Variants in CYRIB observed in about 807,000 individuals in gnomAD.
CYRIB encodes CYFIP-related Rac1 interactor B.
Under a neutral mutation model 44.2 loss-of-function variants are expected in CYRIB, and 8 were observed. The observed-to-expected ratio is 0.18, with a 90% CI of 0.11 to 0.33. CYRIB has a LOEUF of 0.33. CYRIB is among the 10% of genes least tolerant of loss of function. The pLI, the probability that CYRIB is intolerant of heterozygous loss-of-function variation, is 1.00. For missense variants in CYRIB, 185 were observed against 382.8 expected (o/e 0.48, Z 4.31); for synonymous variants, 131 against 127.2 (o/e 1.03, Z -0.20).
At chr8:129,876,349 G>A (rs767024090) in intron 3 of CYRIB, among the ~76,000 whole-genome samples, 1 of 152,132 alleles carries the variant, frequency 6.6e-6, no homozygotes, top group East Asian at 1.9e-4. Flanking sequence ...CAGCCTGGGC[G>A]ACAGAGACTG....
At chr8:129,947,723 T>C (rs1331499707) in intron 2 of CYRIB, 1 of 152,210 alleles carries the variant, frequency 6.6e-6, no homozygotes, top group Non-Finnish European at 1.5e-5. Flanking sequence ...TGGACACCCT[T>C]CCAAATGTTT....
chr8:129,909,279 T>A (rs976607986), intron 1 of CYRIB, among the ~76,000 whole-genome samples: 1 of 152,138 alleles, frequency 6.6e-6, no homozygotes, highest in Admixed American at 6.6e-5. Flanking sequence ...GTTTTTACAA[T>A]CTTAATTTTC....
intron 1 of CYRIB, among the ~76,000 whole-genome samples, chr8:130,010,233 G>A (rs1288708896): frequency 2.6e-5 from 4 of 152,212 alleles, no homozygotes; most frequent in African/African-American, 9.6e-5. Context: ...GATGAACGAA[G>A]GTCAAGGGCA....
chr8:129,941,792 G>C (rs1251262130), upstream of CYRIB, among the ~76,000 whole-genome samples: 3 of 152,168 alleles, frequency 2.0e-5, no homozygotes, highest in Admixed American at 2.0e-4. Flanking sequence ...TCTCCCACCA[G>C]AAGCAGAAAT....
chr8:129,924,614 T>C (rs2086332729), intron 1 of CYRIB, among the ~76,000 whole-genome samples: 1 of 152,168 alleles, frequency 6.6e-6, no homozygotes, highest in Non-Finnish European at 1.5e-5. Flanking sequence ...AACTTTCATT[T>C]AGGCTAATGA....
chr8:129,901,119 A>T (rs986869987), intron 2 of CYRIB, among the ~76,000 whole-genome samples: 4 of 152,184 alleles, frequency 2.6e-5, no homozygotes, highest in African/African-American at 9.7e-5. Context: ...ACACCTGGCT[A>T]ATTTTTTGTA....
rs2063671928 is a variant in CYRIB at position 129,888,468 on chromosome 8, C to T, written c.-10-8997G>A. Among the ~76,000 whole-genome samples, 8 of 152,332 alleles carry T rather than the reference C, an allele frequency of 5.3e-5. No homozygotes were observed. The South Asian group carries it at 1.4e-3, about 28-fold the overall frequency. ...AATCTGCTCCGACACACTCTGGCCTCATCTTTCTTTACTCTCCACTGCACA... is the reference window on the plus strand; with the variant it reads ...AATCTGCTCCGACACACTCTGGCCTTATCTTTCTTTACTCTCCACTGCACA... On this transcript the variant is annotated intron_variant, in intron 2 of 11. Transcript: ENST00000519824.
At position 129,855,511 on chromosome 8, in the gene CYRIB, C is replaced by T. The variant is rs1433640080; in HGVS notation, c.438+100G>A. 8 of 1,262,086 alleles carry T rather than the reference C, an allele frequency of 6.3e-6. No homozygotes were observed. In the East Asian group the frequency reaches 1.9e-4, roughly 30 times the overall value. 78.2% of individuals were successfully genotyped at this position (1,262,086 alleles called of 1,614,324 possible). On this transcript the variant is annotated intron_variant, in intron 6 of 11. Transcript: ENST00000519824. ...ATTTTTATTAAGGTCTAGCAGACAT[C>T]ATTTAAATACATTTTAACAATGTTT...
chr8:129,984,399 T>C (rs1044719365), intron 1 of CYRIB, among the ~76,000 whole-genome samples: 4 of 152,150 alleles, frequency 2.6e-5, no homozygotes, highest in Non-Finnish European at 5.9e-5. Context: ...TCCATGCACC[T>C]GGCACTTAGG....
At chr8:129,999,868 A>G (rs1041341895) in intron 1 of CYRIB, among the ~76,000 whole-genome samples, 1 of 152,120 alleles carries the variant, frequency 6.6e-6, no homozygotes, top group African/African-American at 2.4e-5. Context: ...GGCTCAAGCG[A>G]TCCTCCCGCC....
intron 2 of CYRIB, among the ~76,000 whole-genome samples, chr8:129,960,649 G>GA (rs746019281): frequency 0.016 from 457 of 29,076 alleles, 11 homozygotes; most frequent in African/African-American, 0.033. Flanking sequence ...TCTGTCTCAA[G>GA]AAAAAAAAAA....
chr8:129,895,523 C>T (rs1474165221), intron 2 of CYRIB, among the ~76,000 whole-genome samples: 1 of 151,736 alleles, frequency 6.6e-6, no homozygotes, highest in Non-Finnish European at 1.5e-5. Flanking sequence ...TCAAATTCTA[C>T]AAAAAAATTC....
chr8:129,864,338 A>G (rs1432684206), intron 4 of CYRIB: 4 of 152,242 alleles, frequency 2.6e-5, no homozygotes, highest in South Asian at 2.1e-4. Context: ...GCTGATATAG[A>G]TGAAAAAAAA....
intron 2 of CYRIB, among the ~76,000 whole-genome samples, chr8:129,894,089 G>T (rs2066736693): frequency 6.6e-6 from 1 of 152,148 alleles, no homozygotes. Context: ...GATTGACAAT[G>T]AGATTATTTT....
intron 2 of CYRIB, among the ~76,000 whole-genome samples, chr8:129,887,711 G>C (rs1056833601): frequency 3.3e-5 from 5 of 152,226 alleles, no homozygotes; most frequent in Non-Finnish European, 7.3e-5. Flanking sequence ...CTGGATATGA[G>C]ACACGGAGTC....
At chr8:129,974,863 G>A (rs1201575003) in intron 1 of CYRIB, among the ~76,000 whole-genome samples, 4 of 151,406 alleles carry the variant, frequency 2.6e-5, no homozygotes, top group Non-Finnish European at 4.4e-5. Context: ...TGTGACCACA[G>A]GCACGTGCCA....
intron 4 of CYRIB, among the ~76,000 whole-genome samples, chr8:129,868,121 C>A (rs1197318995): frequency 6.6e-6 from 1 of 152,152 alleles, no homozygotes; most frequent in East Asian, 1.9e-4. Context: ...ACCTATGACT[C>A]TTGTAACACA....
At chr8:129,929,129 TCAACATGC>T (rs763803141) in intron 1 of CYRIB, among the ~76,000 whole-genome samples, 3 of 152,050 alleles carry the variant, frequency 2.0e-5, no homozygotes, top group Non-Finnish European at 4.4e-5. Context: ...ACTGATACAC[TCAACATGC>T]ATGAACCACA....
At chr8:129,866,442 G>A (rs2053625975) in intron 4 of CYRIB, among the ~76,000 whole-genome samples, 2 of 151,744 alleles carry the variant, frequency 1.3e-5, no homozygotes, top group Admixed American at 1.3e-4. Flanking sequence ...GATTTCCAGG[G>A]AATATTCATA....
Sources: gnomAD v4.1 joint callset for allele counts (sites outside exome capture counted in the v4.1 genomes callset) on GRCh38, gnomAD v4.1.1 for gene constraint, MANE v1.5 for transcripts, NCBI Gene and HGNC (gene_info 2026-07-23, HGNC 2026-07-21) for gene names.